LINGO2: variants seen among roughly 807,000 people sequenced by gnomAD.
LINGO2 encodes the protein leucine rich repeat and Ig domain containing 2, also known as leucine-rich repeat and immunoglobulin-like domain-containing nogo receptor-interacting protein 2.
Under a neutral mutation model 30.6 loss-of-function variants are expected in LINGO2, and 14 were observed. That is an observed-to-expected ratio of 0.46 (90% CI 0.30 to 0.72). The LOEUF is 0.72. Among genes scored for constraint, LINGO2 ranks in the 30% least tolerant of loss-of-function variants. LINGO2 has a pLI of 0.07. For missense variants in LINGO2, 729 were observed against 751.7 expected (o/e 0.97, Z 0.35); for synonymous variants, 317 against 288.5 (o/e 1.10, Z -1.00).
chr9:27,994,799 A>G (rs1821574587), intron 5 of LINGO2, among the ~76,000 whole-genome samples: 1 of 152,158 alleles, frequency 6.6e-6, no homozygotes, highest in African/African-American at 2.4e-5. Flanking sequence ...TAGGGGACTT[A>G]AGGCAGGGCT....
intron 4 of LINGO2, among the ~76,000 whole-genome samples, chr9:28,139,640 T>C (rs1827619068): frequency 1.3e-5 from 2 of 152,184 alleles, no homozygotes; most frequent in South Asian, 4.1e-4. Context: ...TGAGATTTAA[T>C]TTAAAATATA....
chr9:29,086,467 T>C, the LINGO2 span, among the ~76,000 whole-genome samples: 1 of 152,192 alleles, frequency 6.6e-6, no homozygotes, highest in Non-Finnish European at 1.5e-5. Context: ...AGTTCAGGCA[T>C]TATGAGTTGG....
the LINGO2 span, among the ~76,000 whole-genome samples, chr9:29,119,348 T>TA: frequency 6.8e-6 from 1 of 147,818 alleles, no homozygotes; most frequent in South Asian, 2.1e-4. Flanking sequence ...AGCACACATA[T>TA]GCATGCACGT....
At chr9:28,529,927 T>A in intron 1 of LINGO2, among the ~76,000 whole-genome samples, 1 of 152,088 alleles carries the variant, frequency 6.6e-6, no homozygotes, top group East Asian at 1.9e-4. Flanking sequence ...CTTGACTTTA[T>A]TCACCAACCT....
At chr9:28,747,374 T>C in the LINGO2 span, among the ~76,000 whole-genome samples, 1 of 151,930 alleles carries the variant, frequency 6.6e-6, no homozygotes, top group Non-Finnish European at 1.5e-5. Context: ...CACCACTCAA[T>C]AAAACCCCCA....
intron 4 of LINGO2, among the ~76,000 whole-genome samples, chr9:28,055,857 G>A (rs879626067): frequency 9.2e-5 from 14 of 152,070 alleles, no homozygotes; most frequent in Non-Finnish European, 1.8e-4. Flanking sequence ...AACTTACTTT[G>A]GTTTCGAAGG....
chr9:28,244,556 C>G (rs371908392), intron 4 of LINGO2, among the ~76,000 whole-genome samples: 45 of 151,908 alleles, frequency 3.0e-4, no homozygotes, highest in African/African-American at 1.1e-3. Flanking sequence ...AGACTGCTAG[C>G]TAAACTAATA....
intron 4 of LINGO2, among the ~76,000 whole-genome samples, chr9:28,164,378 T>A (rs1035347569): frequency 7.9e-5 from 12 of 152,190 alleles, no homozygotes; most frequent in African/African-American, 2.7e-4. Flanking sequence ...CCAGAAGCTA[T>A]CCTAAGATTT....
chr9:28,811,576 C>T, the LINGO2 span, among the ~76,000 whole-genome samples: 2 of 152,130 alleles, frequency 1.3e-5, no homozygotes, highest in Admixed American at 6.6e-5. Flanking sequence ...CCCACACTCA[C>T]TTCCTTTTAG....
intron 4 of LINGO2, among the ~76,000 whole-genome samples, chr9:28,166,393 G>A (rs1828427335): frequency 6.6e-6 from 1 of 152,176 alleles, no homozygotes; most frequent in Admixed American, 6.6e-5. Flanking sequence ...GTACCTACCG[G>A]ATGCATTTGT....
the LINGO2 span, among the ~76,000 whole-genome samples, chr9:29,173,812 T>C: frequency 1.3e-5 from 2 of 152,076 alleles, no homozygotes; most frequent in Non-Finnish European, 2.9e-5. Context: ...ATTATAAATA[T>C]GTAATTCATG....
intron 1 of LINGO2, among the ~76,000 whole-genome samples, chr9:28,620,226 G>A (rs899590323): frequency 1.3e-5 from 2 of 151,974 alleles, no homozygotes; most frequent in African/African-American, 4.8e-5. Flanking sequence ...TAGATGACTA[G>A]GACTCAAATA....
At chr9:28,384,610 T>C (rs1368903789) in intron 2 of LINGO2, among the ~76,000 whole-genome samples, 1 of 152,036 alleles carries the variant, frequency 6.6e-6, no homozygotes, top group Non-Finnish European at 1.5e-5. Flanking sequence ...TCTGTCATGT[T>C]GGCATTATCA....
intron 4 of LINGO2, among the ~76,000 whole-genome samples, chr9:28,254,657 T>C (rs946147456): frequency 5.1e-4 from 78 of 152,062 alleles, no homozygotes; most frequent in African/African-American, 1.8e-3. Flanking sequence ...CCATAACATC[T>C]GTCCTTTTAC....
At chr9:28,256,607 A>G (rs922671409) in intron 4 of LINGO2, among the ~76,000 whole-genome samples, 1 of 152,114 alleles carries the variant, frequency 6.6e-6, no homozygotes, top group South Asian at 2.1e-4. Context: ...CTGAGCAAAT[A>G]TGTAAAATAA....
the LINGO2 span, among the ~76,000 whole-genome samples, chr9:28,976,492 C>A: frequency 3.4e-4 from 52 of 152,046 alleles, no homozygotes; most frequent in Non-Finnish European, 5.0e-4. Flanking sequence ...TAACCACATT[C>A]AACATTGCAC....
chr9:28,072,146 C>T (rs538660727), intron 4 of LINGO2, among the ~76,000 whole-genome samples: 67 of 152,076 alleles, frequency 4.4e-4, no homozygotes, highest in African/African-American at 1.6e-3. Context: ...TCCTATTTTC[C>T]TTTTTGTGTG....
At chr9:29,027,968 T>C in the LINGO2 span, among the ~76,000 whole-genome samples, 10 of 152,306 alleles carry the variant, frequency 6.6e-5, no homozygotes, top group African/African-American at 2.4e-4. Context: ...CAAGATGAGA[T>C]TAAGCCAGTG....
At chr9:29,070,500 A>G in the LINGO2 span, among the ~76,000 whole-genome samples, 1 of 152,154 alleles carries the variant, frequency 6.6e-6, no homozygotes, top group Admixed American at 6.6e-5. Flanking sequence ...GAAGTGAATC[A>G]GTGCAGTTAA....
Sources: gnomAD v4.1 joint callset for allele counts (sites outside exome capture counted in the v4.1 genomes callset) on GRCh38, gnomAD v4.1.1 for gene constraint, MANE v1.5 for transcripts, NCBI Gene and HGNC (gene_info 2026-07-23, HGNC 2026-07-21) for gene names.